Variants in FKTN observed in about 807,000 individuals in gnomAD.
The protein encoded by FKTN is fukutin.
A neutral mutation model predicts 58.6 loss-of-function variants in FKTN; 47 were observed. The observed-to-expected ratio is 0.80, with a 90% CI of 0.63 to 1.02. The LOEUF is 1.02. FKTN is among the 50% of genes least tolerant of loss of function. The pLI is 0.00. For missense variants in FKTN, 516 were observed against 537.3 expected (o/e 0.96, Z 0.39); for synonymous variants, 178 against 191.9 (o/e 0.93, Z 0.60).
chr9:105,565,199 A>G (rs962311219), intron 1 of FKTN, among the ~76,000 whole-genome samples: 1 of 152,208 alleles, frequency 6.6e-6, no homozygotes, highest in African/African-American at 2.4e-5. Context: ...AAAACATGCC[A>G]GATTCTAAAG....
chr9:105,577,844 T>C (rs1233835395), intron 3 of FKTN, among the ~76,000 whole-genome samples: 1 of 149,992 alleles, frequency 6.7e-6, no homozygotes, highest in Non-Finnish European at 1.5e-5. Context: ...TTTTATTTCC[T>C]TGAGCAGTGG....
At chr9:105,618,795 C>T (rs1831290342) in intron 9 of FKTN, among the ~76,000 whole-genome samples, 3 of 152,114 alleles carry the variant, frequency 2.0e-5, no homozygotes, top group African/African-American at 7.2e-5. Flanking sequence ...GTCGGCTGGG[C>T]GCGGTGGCTC....
At chr9:105,594,481 G>C (rs1227413023) in intron 3 of FKTN, among the ~76,000 whole-genome samples, 1 of 152,250 alleles carries the variant, frequency 6.6e-6, no homozygotes, top group Admixed American at 6.5e-5. Flanking sequence ...ACATCAGCCA[G>C]ATATGGTGTC....
intron 10 of FKTN, among the ~76,000 whole-genome samples, chr9:105,628,334 T>C (rs1233378510): frequency 1.3e-5 from 2 of 152,108 alleles, no homozygotes; most frequent in Admixed American, 6.6e-5. Context: ...AGGTGCAAAA[T>C]TGAGGAATTG....
At chr9:105,581,481 G>A (rs910271141) in intron 3 of FKTN, among the ~76,000 whole-genome samples, 4 of 150,574 alleles carry the variant, frequency 2.7e-5, no homozygotes, top group Admixed American at 6.6e-5. Flanking sequence ...GGCTGCTCGG[G>A]GGTCAGGGGT....
At chr9:105,562,351 T>C (rs1206671080) in intron 1 of FKTN, among the ~76,000 whole-genome samples, 1 of 152,130 alleles carries the variant, frequency 6.6e-6, no homozygotes, top group East Asian at 1.9e-4. Flanking sequence ...GATAAGGGTG[T>C]GAAAAATGGT....
intron 1 of FKTN, among the ~76,000 whole-genome samples, chr9:105,571,838 T>C (rs868079386): frequency 8.5e-5 from 13 of 152,198 alleles, no homozygotes; most frequent in African/African-American, 2.7e-4. Flanking sequence ...AAATTCAAAA[T>C]CTGAAATGCT....
intron 1 of FKTN, among the ~76,000 whole-genome samples, chr9:105,564,056 C>T (rs372153861): frequency 6.6e-6 from 1 of 152,212 alleles, no homozygotes; most frequent in Non-Finnish European, 1.5e-5. Context: ...AGTGGACCTC[C>T]AGCAAACTCC....
chr9:105,618,074 C>T lies in FKTN; in HGVS notation c.1026C>T (p.Leu342=), dbSNP rs17309806. Residue 342 remains leucine (L), a synonymous_variant, in exon 9 of 11, where the codon CTC becomes CTT. Transcript: ENST00000357998. ...ILAFQDAGLP[L]KHKFGKVEDS... is the part of the protein sequence containing the mutation. ...CATTTCAGGATGCAGGACTTCCGCTCAAACACAAATTTGGGAAGGTCAGTA... is the reference window on the plus strand; with the variant it reads ...CATTTCAGGATGCAGGACTTCCGCTTAAACACAAATTTGGGAAGGTCAGTA... 1.9e-6 allele frequency: 3 copies of T among 1,611,044 alleles called. No homozygotes were observed. The highest frequency in any genetic ancestry group is 1.7e-4 in the Middle Eastern group (1 of 6,054).
intron 8 of FKTN, among the ~76,000 whole-genome samples, chr9:105,615,694 C>T (rs1830677017): frequency 6.6e-6 from 1 of 152,120 alleles, no homozygotes; most frequent in Non-Finnish European, 1.5e-5. Flanking sequence ...CCCCCCTTAT[C>T]CATGGACAAT....
At chr9:105,588,858 C>T (rs574284236) in intron 3 of FKTN, among the ~76,000 whole-genome samples, 11 of 152,326 alleles carry the variant, frequency 7.2e-5, no homozygotes, top group African/African-American at 2.6e-4. Context: ...ATTAGCTGAG[C>T]TCCCTTGCCC....
intron 9 of FKTN, among the ~76,000 whole-genome samples, chr9:105,618,341 A>G (rs1831205844): frequency 6.6e-6 from 1 of 152,192 alleles, no homozygotes. Flanking sequence ...TTTTGCACCA[A>G]TAATGATAAG....
chr9:105,619,887 T>C, intron 9 of FKTN, 47 bp from the exon 10 acceptor site: 1 of 1,555,462 alleles, frequency 6.4e-7, no homozygotes, highest in Admixed American at 1.7e-5. Flanking sequence ...TTTTTAAAAA[T>C]GTATTTCCTT....
At chr9:105,575,406 T>C (rs1841484668) in intron 3 of FKTN, among the ~76,000 whole-genome samples, 1 of 152,216 alleles carries the variant, frequency 6.6e-6, no homozygotes, top group Non-Finnish European at 1.5e-5. Flanking sequence ...TTATCCTTCA[T>C]TTAAATGAAC....
chr9:105,572,715 T>C (rs559106569), intron 1 of FKTN, among the ~76,000 whole-genome samples: 94 of 152,292 alleles, frequency 6.2e-4, no homozygotes, highest in African/African-American at 2.2e-3. Flanking sequence ...AGAGGAGAGA[T>C]AGTGAGTGGC....
chr9:105,578,956 G>A (rs1209309996), intron 3 of FKTN, among the ~76,000 whole-genome samples: 1 of 151,930 alleles, frequency 6.6e-6, no homozygotes, highest in Non-Finnish European at 1.5e-5. Flanking sequence ...GTTTATTTGT[G>A]TAGAGGTGTT....
Position 105,624,006 on chromosome 9 carries a change from G to C in FKTN, c.1172+3945G>C, listed in dbSNP as rs761344382. Among the ~76,000 whole-genome samples, 4 of 152,030 alleles carry C rather than the reference G, an allele frequency of 2.6e-5. No individual in the cohort carries two copies. In the South Asian group the frequency reaches 8.3e-4, roughly 32 times the overall value. ...AAAAATTCTGTGGGCATCTGTATACGTAAAGTAAAAACTTTAAGGGGTTGT... is the reference window on the plus strand; with the variant it reads ...AAAAATTCTGTGGGCATCTGTATACCTAAAGTAAAAACTTTAAGGGGTTGT... On this transcript the variant is annotated intron_variant, in intron 10 of 10. Coordinates refer to ENST00000357998, the MANE Select transcript of FKTN (RefSeq NM_001079802.2).
At chr9:105,607,738 C>A (rs959486354) in intron 6 of FKTN, 81 bp from the exon 7 acceptor site, 3 of 1,243,578 alleles carry the variant, frequency 2.4e-6, no homozygotes, top group African/African-American at 3.0e-5. Flanking sequence ...TTAAGCTCTG[C>A]ACGCATTAGG....
At chr9:105,603,390 A>G (rs1037571329) in intron 5 of FKTN, among the ~76,000 whole-genome samples, 3 of 152,156 alleles carry the variant, frequency 2.0e-5, no homozygotes, top group Admixed American at 6.5e-5. Flanking sequence ...TGGAAAATGA[A>G]CCTTGTCTTA....
Sources: allele counts gnomAD v4.1 joint callset (sites outside exome capture counted in the v4.1 genomes callset), GRCh38; gene constraint gnomAD v4.1.1; transcripts MANE v1.5; gene names NCBI Gene and HGNC (gene_info 2026-07-23, HGNC 2026-07-21).